CSGALNACT1: variants seen among roughly 807,000 people sequenced by gnomAD.
CSGALNACT1 encodes beta4GalNAcT-1.
A neutral mutation model predicts 51.0 loss-of-function variants in CSGALNACT1; 52 were observed. The observed-to-expected ratio is 1.02, with a 90% CI of 0.82 to 1.29. CSGALNACT1 has a LOEUF of 1.29. Among genes scored for constraint, CSGALNACT1 ranks in the 50% most tolerant of loss-of-function variants. The pLI, the probability that CSGALNACT1 is intolerant of heterozygous loss-of-function variation, is 0.00. For missense variants in CSGALNACT1, 935 were observed against 679.2 expected (o/e 1.38, Z -4.19); for synonymous variants, 341 against 254.4 (o/e 1.34, Z -3.24).
At chr8:19,468,177 G>GTTT (rs78846236) in intron 4 of CSGALNACT1, among the ~76,000 whole-genome samples, 24 of 151,934 alleles carry the variant, frequency 1.6e-4, no homozygotes, top group African/African-American at 3.1e-4. Flanking sequence ...GATAGCAGAT[G>GTTT]TTTTTTTACC....
At chr8:19,468,577 A>C (rs144770911) in intron 4 of CSGALNACT1, among the ~76,000 whole-genome samples, 149 of 152,258 alleles carry the variant, frequency 9.8e-4, no homozygotes, top group Middle Eastern at 6.8e-3. Context: ...CAAGGAAAGA[A>C]CCACGATGGT....
At chr8:19,475,351 TTTTGGGGTCTG>T (rs1395310778) in intron 4 of CSGALNACT1, among the ~76,000 whole-genome samples, 1 of 152,082 alleles carries the variant, frequency 6.6e-6, no homozygotes, top group African/African-American at 2.4e-5. Flanking sequence ...ACCACGAGGG[TTTTGGGGTCTG>T]TTTGGATCTT....
intron 4 of CSGALNACT1, among the ~76,000 whole-genome samples, chr8:19,475,431 C>G (rs557456565): frequency 6.6e-6 from 1 of 152,224 alleles, no homozygotes; most frequent in South Asian, 2.1e-4. Flanking sequence ...AAATCTGTAA[C>G]AATCTGAATA....
chr8:19,508,522 G>C (rs2154005085), intron 3 of CSGALNACT1, among the ~76,000 whole-genome samples: 1 of 152,288 alleles, frequency 6.6e-6, no homozygotes, highest in South Asian at 2.1e-4. Flanking sequence ...GTAATTCTGT[G>C]ATTGAAAACA....
chr8:19,648,962 G>C (rs897820385), intron 1 of CSGALNACT1, among the ~76,000 whole-genome samples: 7 of 152,126 alleles, frequency 4.6e-5, no homozygotes, highest in African/African-American at 1.7e-4. Context: ...GATCTCATAT[G>C]GGTAGGTGTA....
intron 1 of CSGALNACT1, among the ~76,000 whole-genome samples, chr8:19,626,105 A>G (rs1275002241): frequency 6.6e-6 from 1 of 152,240 alleles, no homozygotes; most frequent in East Asian, 1.9e-4. Flanking sequence ...ACAGAACTAA[A>G]AAGTTAAAAC....
At chr8:19,570,082 T>C (rs912754627) in intron 3 of CSGALNACT1, among the ~76,000 whole-genome samples, 86 of 149,568 alleles carry the variant, frequency 5.7e-4, no homozygotes, top group African/African-American at 2.0e-3. Flanking sequence ...GGAGGGTAGA[T>C]TGGGGGCCTA....
At chr8:19,501,668 G>C (rs1033344372) in intron 4 of CSGALNACT1, among the ~76,000 whole-genome samples, 2 of 152,240 alleles carry the variant, frequency 1.3e-5, no homozygotes, top group African/African-American at 2.4e-5. Flanking sequence ...TTGTGAAAGA[G>C]AGTTCGGAAA....
At chr8:19,531,407 G>T (rs2154055241) in intron 3 of CSGALNACT1, among the ~76,000 whole-genome samples, 1 of 152,296 alleles carries the variant, frequency 6.6e-6, no homozygotes, top group South Asian at 2.1e-4. Flanking sequence ...CAGGGCAGGA[G>T]GCAGAACACC....
chr8:19,722,577 G>T (rs1413838076), intron 1 of CSGALNACT1, among the ~76,000 whole-genome samples: 1 of 152,180 alleles, frequency 6.6e-6, no homozygotes, highest in Admixed American at 6.5e-5. Context: ...GTCATGGGTG[G>T]TTACTGGAGA....
chr8:19,429,258 C>A (rs542166034), intron 6 of CSGALNACT1, among the ~76,000 whole-genome samples: 1 of 152,328 alleles, frequency 6.6e-6, no homozygotes, highest in East Asian at 1.9e-4. Context: ...TTCACCACAA[C>A]CTCCACCTCC....
intron 5 of CSGALNACT1, among the ~76,000 whole-genome samples, chr8:19,456,160 C>G (rs999302718): frequency 1.3e-5 from 2 of 152,184 alleles, no homozygotes; most frequent in Non-Finnish European, 2.9e-5. Flanking sequence ...TCCTGTTTTC[C>G]TGTTTTATTG....
At chr8:19,601,862 G>T (rs1047558055) in exon 2 of CSGALNACT1, 4 of 453,798 alleles carry the variant, frequency 8.8e-6, no homozygotes, top group Admixed American at 4.7e-5. Flanking sequence ...AAATAGGAAG[G>T]CAGCTAAAAT....
At chr8:19,749,014 G>A (rs911921698) in intron 1 of CSGALNACT1, among the ~76,000 whole-genome samples, 3 of 151,448 alleles carry the variant, frequency 2.0e-5, no homozygotes, top group Admixed American at 2.0e-4. Context: ...GAGTTAAAAA[G>A]TGAGGTCGTT....
chr8:19,545,217 T>G (rs558957585), intron 3 of CSGALNACT1, among the ~76,000 whole-genome samples: 1 of 152,170 alleles, frequency 6.6e-6, no homozygotes, highest in African/African-American at 2.4e-5. Flanking sequence ...AGCAGTTAGG[T>G]GGCTGCCATA....
At chr8:19,502,471 G>C (rs1450189103) in intron 4 of CSGALNACT1, among the ~76,000 whole-genome samples, 1 of 152,166 alleles carries the variant, frequency 6.6e-6, no homozygotes, top group African/African-American at 2.4e-5. Context: ...TCATCTGCAA[G>C]CATGCCTTGA....
At chr8:19,495,988 T>C (rs1392690651) in intron 4 of CSGALNACT1, among the ~76,000 whole-genome samples, 2 of 152,200 alleles carry the variant, frequency 1.3e-5, no homozygotes, top group African/African-American at 2.4e-5. Context: ...AAAGGGGTTC[T>C]AGGCTGACTA....
chr8:19,606,442 A>G (rs961747349), upstream of CSGALNACT1, among the ~76,000 whole-genome samples: 1 of 152,206 alleles, frequency 6.6e-6, no homozygotes, highest in Non-Finnish European at 1.5e-5. Flanking sequence ...GATGTCACAC[A>G]TGATAAATTG....
exon 10 of CSGALNACT1, chr8:19,405,466 G>T: frequency 1.9e-6 from 1 of 529,698 alleles, no homozygotes; most frequent in Non-Finnish European, 3.6e-6. Context: ...ATTTCAATGA[G>T]CACACAAAAC....
Sources: allele counts gnomAD v4.1 joint callset (sites outside exome capture counted in the v4.1 genomes callset), GRCh38; gene constraint gnomAD v4.1.1; transcripts MANE v1.5; gene names NCBI Gene and HGNC (gene_info 2026-07-23, HGNC 2026-07-21).